Variants in CYP39A1 observed in about 807,000 individuals in gnomAD.
CYP39A1 encodes the protein cytochrome P450 family 39 subfamily A member 1, also known as 24-hydroxycholesterol 7-alpha-hydroxylase.
In CYP39A1, 49 loss-of-function variants were observed where a neutral mutation model predicts 58.1. That is an observed-to-expected ratio of 0.84 (90% CI 0.67 to 1.07). The LOEUF (loss-of-function observed/expected upper bound fraction) is 1.07. CYP39A1 is among the 50% of genes least tolerant of loss of function. The probability of loss-of-function intolerance (pLI) is 0.00; values close to 1 mark genes in which losing one functional copy is unlikely to be tolerated. For missense variants in CYP39A1, 531 were observed against 539.4 expected (o/e 0.98, Z 0.16); for synonymous variants, 209 against 187.6 (o/e 1.11, Z -0.93).
intron 7 of CYP39A1, among the ~76,000 whole-genome samples, chr6:46,619,485 C>T (rs1774828019): frequency 1.3e-5 from 2 of 152,030 alleles, no homozygotes; most frequent in Non-Finnish European, 2.9e-5. Flanking sequence ...ACTTGTCTTA[C>T]TTTTAAGGAA....
chr6:46,560,114 G>A (rs146918757), intron 10 of CYP39A1, among the ~76,000 whole-genome samples: 2 of 152,212 alleles, frequency 1.3e-5, no homozygotes, highest in Non-Finnish European at 2.9e-5. Flanking sequence ...AAATAAGAGG[G>A]TGAGCCATAA....
chr6:46,627,758 T>A (rs2150575773), intron 6 of CYP39A1, among the ~76,000 whole-genome samples: 1 of 152,300 alleles, frequency 6.6e-6, no homozygotes, highest in South Asian at 2.1e-4. Context: ...TTAAAATTTT[T>A]TCTATTTTTA....
In CYP39A1 at chr6:46,553,836, C is replaced by T. The variant is rs765029648; in HGVS notation, c.1269G>A (p.Glu423=). 8.7e-6 allele frequency: 14 copies of T among 1,606,156 alleles called. No individual in the cohort carries two copies. The highest frequency in any genetic ancestry group is 1.7e-5 in the Admixed American group (1 of 58,946). Reference sequence around the variant, plus strand: ...GTATTAAAATAATACACATCTGAACCTCTAACAGAGCAAACCACCTGGAAG... The same window carrying T: ...GTATTAAAATAATACACATCTGAACTTCTAACAGAGCAAACCACCTGGAAG... ...QCPARWFALL[E]VQMCIILILY... Residue 423 remains glutamate (E), a synonymous_variant, in exon 11 of 12, where the codon GAG becomes GAA. Transcript: ENST00000275016.
At chr6:46,596,788 T>C (rs1297619663) in intron 7 of CYP39A1, among the ~76,000 whole-genome samples, 1 of 152,158 alleles carries the variant, frequency 6.6e-6, no homozygotes, top group Admixed American at 6.6e-5. Flanking sequence ...TTGTACCATC[T>C]AAAGTAATGG....
intron 8 of CYP39A1, among the ~76,000 whole-genome samples, chr6:46,592,092 G>A (rs1772871451): frequency 6.6e-6 from 1 of 152,104 alleles, no homozygotes; most frequent in Non-Finnish European, 1.5e-5. Flanking sequence ...CAGAGTTTTA[G>A]AAAGGTAGCA....
Position 46,588,118 on chromosome 6 carries a change from A to G in CYP39A1, c.1077T>C (p.Ile359=), listed in dbSNP as rs753460259. Reference sequence around the variant, plus strand: ...ACAACATCAACAAGTCACCAGAAGGAATGATGTAATTCTATAACAGAAAAA... The same window carrying G: ...ACAACATCAACAAGTCACCAGAAGGGATGATGTAATTCTATAACAGAAAAA... The part of the protein sequence containing the change: ...VKPVEILNYI[I]PSGDLLMLSP... The change falls in exon 9 of 12, where the codon ATT becomes ATC. Residue 359 remains isoleucine, a synonymous_variant. Transcript: ENST00000275016. 26 of 1,588,750 alleles carry G rather than the reference A, an allele frequency of 1.6e-5. No homozygotes were observed. The South Asian group carries it at 3.0e-4, about 18-fold the overall frequency.
In CYP39A1 at chr6:46,590,974, T is replaced by C. The variant is rs148120136; in HGVS notation, c.1066-2845A>G. ...GTAAATAGTGCCACCATAAGCACTT[T>C]CTTCCACACAGCATTTTTCCACATA... is the stretch of plus-strand genomic sequence containing the variant. On this transcript the variant is annotated intron_variant, in intron 8 of 11. Coordinates refer to ENST00000275016, the MANE Select transcript of CYP39A1 (RefSeq NM_016593.5). 5.9e-3 allele frequency among the ~76,000 whole-genome samples: 897 copies of C among 152,302 alleles called. 12 individuals are homozygous for C. Among genetic ancestry groups the C allele is most frequent in the African/African-American group, 0.02 (817 of 41,566 alleles).
chr6:46,597,281 C>A (rs536579357), intron 7 of CYP39A1, among the ~76,000 whole-genome samples: 1 of 151,960 alleles, frequency 6.6e-6, no homozygotes, highest in African/African-American at 2.4e-5. Context: ...ATAACTAAGG[C>A]GCAGCTCTTG....
intron 7 of CYP39A1, among the ~76,000 whole-genome samples, chr6:46,610,331 C>A (rs1419050306): frequency 6.6e-6 from 1 of 152,016 alleles, no homozygotes; most frequent in Non-Finnish European, 1.5e-5. Flanking sequence ...TGAATCTGGC[C>A]TTACTAATTT....
chr6:46,650,430 A>G (rs1258000196), intron 1 of CYP39A1, among the ~76,000 whole-genome samples: 1 of 149,218 alleles, frequency 6.7e-6, no homozygotes, highest in African/African-American at 2.5e-5. Context: ...AGAAAAGACA[A>G]GAGTGAACCT....
rs983165236 is a variant in CYP39A1 at position 46,595,877 on chromosome 6, T to C, written c.1065+110A>G. 4 of 1,049,890 alleles carry C rather than the reference T, an allele frequency of 3.8e-6. No homozygotes were observed. In the African/African-American group the frequency reaches 4.9e-5, roughly 13 times the overall value. The allele number at this position is 1,049,890 out of a possible 1,614,324, so 65.0% of individuals were successfully genotyped here. On this transcript the variant is annotated intron_variant, in intron 8 of 11. Transcript: ENST00000275016. ...ACAAGACAAATATATAAAATATTTA[T>C]TTGTCAAGTAAAAATAAATCAAGAT...
At chr6:46,628,258 G>A (rs1284042241) in intron 6 of CYP39A1, among the ~76,000 whole-genome samples, 2 of 152,210 alleles carry the variant, frequency 1.3e-5, no homozygotes, top group African/African-American at 2.4e-5. Context: ...TTCACATTTA[G>A]TTGGGCATAT....
intron 8 of CYP39A1, among the ~76,000 whole-genome samples, chr6:46,592,142 T>C (rs1462859850): frequency 2.0e-5 from 3 of 152,056 alleles, no homozygotes; most frequent in Non-Finnish European, 4.4e-5. Flanking sequence ...TCCAAGAAAG[T>C]AGAGAGTGTT....
rs749820700 is a variant in CYP39A1 at position 46,639,623 on chromosome 6, TAG to T, written c.357_358del (p.Ile121TyrfsTer20). 4 of 1,613,820 alleles carry T rather than the reference TAG, an allele frequency of 2.5e-6. No homozygotes were observed. Among genetic ancestry groups the T allele is most frequent in the Non-Finnish European group, 3.4e-6 (4 of 1,179,910 alleles). On this transcript the variant is annotated frameshift_variant, in exon 3 of 12. Transcript: ENST00000275016. LOFTEE classifies it high-confidence loss of function. The stretch of plus-strand genomic sequence containing the variant: ...CCCCATTTTCCCTTTCAACATAATA[TAG>T]AGTTTTTCATGCAGTGCTAAAAAGA...
At chr6:46,608,880 C>T (rs1481919866) in intron 7 of CYP39A1, among the ~76,000 whole-genome samples, 4 of 151,874 alleles carry the variant, frequency 2.6e-5, no homozygotes, top group African/African-American at 9.7e-5. Flanking sequence ...TCCCAAAGTG[C>T]TGGGATTATA....
At chr6:46,635,645 C>T (rs940887650) in intron 5 of CYP39A1, among the ~76,000 whole-genome samples, 1 of 152,172 alleles carries the variant, frequency 6.6e-6, no homozygotes, top group Non-Finnish European at 1.5e-5. Flanking sequence ...TTCACTTCCC[C>T]AGGCTCAAGT....
chr6:46,616,693 G>A (rs1380996251), intron 7 of CYP39A1, among the ~76,000 whole-genome samples: 1 of 152,094 alleles, frequency 6.6e-6, no homozygotes, highest in Non-Finnish European at 1.5e-5. Context: ...CATATAACGG[G>A]AGTGCAACAA....
At chr6:46,608,573 T>G (rs1773987722) in intron 7 of CYP39A1, among the ~76,000 whole-genome samples, 1 of 152,078 alleles carries the variant, frequency 6.6e-6, no homozygotes. Context: ...GGTGATAATA[T>G]CTGAAGTAGA....
intron 10 of CYP39A1, among the ~76,000 whole-genome samples, chr6:46,581,304 A>G (rs1772119981): frequency 6.6e-6 from 1 of 151,952 alleles, no homozygotes; most frequent in Admixed American, 6.6e-5. Flanking sequence ...CCAGTGACTC[A>G]GGAGGCTGAG....
Sources: gnomAD v4.1 joint callset for allele counts (sites outside exome capture counted in the v4.1 genomes callset) on GRCh38, gnomAD v4.1.1 for gene constraint, MANE v1.5 for transcripts, NCBI Gene and HGNC (gene_info 2026-07-23, HGNC 2026-07-21) for gene names.